Variants in RYR1 observed in about 807,000 individuals in gnomAD.
The protein encoded by RYR1 is central core disease of muscle.
RYR1 carries 342 observed loss-of-function variants against 583.5 expected under a neutral mutation model. The observed-to-expected ratio is 0.59, with a 90% confidence interval of 0.54 to 0.64. The LOEUF (loss-of-function observed/expected upper bound fraction) is 0.64. RYR1 is among the 30% of genes least tolerant of loss of function. The pLI is 0.00. For missense variants in RYR1, 6,032 were observed against 6,917.2 expected (o/e 0.87, Z 4.54); for synonymous variants, 2,791 against 2,822.5 (o/e 0.99, Z 0.35).
At chr19:38,476,187 T>A (rs1242244355) in intron 29 of RYR1, among the ~76,000 whole-genome samples, 1 of 151,992 alleles carries the variant, frequency 6.6e-6, no homozygotes, top group Non-Finnish European at 1.5e-5. Flanking sequence ...CATGCCCAGC[T>A]AATTTTTGTT....
intron 31 of RYR1, among the ~76,000 whole-genome samples, chr19:38,482,380 T>C (rs1218858925): frequency 2.0e-5 from 3 of 152,052 alleles, no homozygotes; most frequent in African/African-American, 7.2e-5. Flanking sequence ...ATGTTGTTTG[T>C]GGAGGCAGAG....
chr19:38,530,987 C>CTTTTTTTTTTTTTTTTTTTTTTTT (rs59244176), intron 76 of RYR1, among the ~76,000 whole-genome samples: 1 of 129,378 alleles, frequency 7.7e-6, no homozygotes, highest in Non-Finnish European at 1.6e-5. Context: ...TTTTCTTTCT[C>CTTTTTTTTTTTTTTTTTTTTTTTT]TTTTTTTTTT....
At chr19:38,509,328 T>C (rs1213687789) in intron 58 of RYR1, among the ~76,000 whole-genome samples, 1 of 151,652 alleles carries the variant, frequency 6.6e-6, no homozygotes, top group Non-Finnish European at 1.5e-5. Context: ...AAAATGGGGG[T>C]TGGGAACCAA....
chr19:38,535,168 C>G lies in RYR1; in HGVS notation c.11387C>G (p.Thr3796Ser). 6.2e-7 allele frequency: 1 copy of G among 1,614,082 alleles called. No homozygotes were observed. Among genetic ancestry groups the G allele is most frequent in the Non-Finnish European group, 8.5e-7 (1 of 1,180,032 alleles). The part of the protein sequence containing the change: ...KGETGAMVSS[T>S]LKLGISILNG... ...GAGACAGGTGCCATGGTGTCCTCCACCCTGAAGCTGGGCATCTCCATCCTC... is the reference window on the plus strand; with the variant it reads ...GAGACAGGTGCCATGGTGTCCTCCAGCCTGAAGCTGGGCATCTCCATCCTC... The change falls in exon 80 of 106, where the codon ACC becomes AGC. Residue 3796 changes from threonine to serine, a missense_variant. By Grantham distance (58) the Thr-to-Ser change is moderately conservative. Around this residue, in one of 11 missense-constraint regions of RYR1, gnomAD observed 1,493 missense variants for 1,715.5 expected, o/e 0.87. Coordinates refer to ENST00000359596, the MANE Select transcript of RYR1 (RefSeq NM_000540.3).
At chr19:38,542,443 A>C (rs1972239082) in intron 84 of RYR1, among the ~76,000 whole-genome samples, 1 of 152,144 alleles carries the variant, frequency 6.6e-6, no homozygotes, top group African/African-American at 2.4e-5. Flanking sequence ...TGTTGGAAAA[A>C]ACTGAATGAA....
In RYR1 at chr19:38,510,795, G is replaced by A. The variant is rs746851028; in HGVS notation, c.9122+14G>A. On this transcript the variant is annotated intron_variant, in intron 60 of 105. Coordinates refer to ENST00000359596, the MANE Select transcript of RYR1 (RefSeq NM_000540.3). ...AATGATCACCAGGTGGGCCGCCTGT[G>A]ACCCTGGACCCAGCCCCCTGACCTC... The A allele has an allele frequency of 1.9e-6, 3 of 1,614,014 alleles. No homozygotes were observed. Among genetic ancestry groups the A allele is most frequent in the South Asian group, 1.1e-5 (1 of 91,052 alleles).
At chr19:38,569,714 C>T (rs761805520) in intron 93 of RYR1, among the ~76,000 whole-genome samples, 29 of 152,174 alleles carry the variant, frequency 1.9e-4, no homozygotes, top group Non-Finnish European at 3.1e-4. Context: ...GGTTATGTTA[C>T]CTTGAGCAAG....
intron 20 of RYR1, among the ~76,000 whole-genome samples, chr19:38,461,784 G>T (rs1967767685): frequency 6.7e-6 from 1 of 149,942 alleles, no homozygotes; most frequent in East Asian, 2.0e-4. Flanking sequence ...GCTGGGTGTG[G>T]TGGCTCATGC....
At position 38,446,721 on chromosome 19, in the gene RYR1, G is replaced by T; in HGVS notation, c.753G>T (p.Val251=). 1 of 1,614,004 alleles carries T rather than the reference G, an allele frequency of 6.2e-7. No individual in the cohort carries two copies. Reference sequence around the variant, plus strand: ...TTGTCTACTATGAGGGGGGAGCTGTGTGCACTCATGCCCGCTCCCTCTGGA... The same window carrying T: ...TTGTCTACTATGAGGGGGGAGCTGTTTGCACTCATGCCCGCTCCCTCTGGA... ...RRLVYYEGGA[V]CTHARSLWRL... The change falls in exon 9 of 106, where the codon GTG becomes GTT. Residue 251 remains valine (V), a synonymous_variant. Coordinates refer to ENST00000359596, the MANE Select transcript of RYR1 (RefSeq NM_000540.3).
At chr19:38,514,995 A>G (rs754187809) in intron 63 of RYR1, 31 bp from the exon 64 acceptor site, 1 of 1,553,706 alleles carries the variant, frequency 6.4e-7, no homozygotes, top group Non-Finnish European at 8.9e-7. Context: ...TTGTGAGCGC[A>G]TGCCGCAGCC....
intron 12 of RYR1, among the ~76,000 whole-genome samples, chr19:38,452,452 A>G (rs1007986891): frequency 1.3e-5 from 2 of 152,018 alleles, no homozygotes; most frequent in Non-Finnish European, 2.9e-5. Context: ...AATAATATAC[A>G]CATGACCCCT....
At chr19:38,531,304 C>T (rs887373345) in intron 76 of RYR1, among the ~76,000 whole-genome samples, 4 of 151,932 alleles carry the variant, frequency 2.6e-5, no homozygotes, top group Non-Finnish European at 5.9e-5. Context: ...TGAGTCCCAG[C>T]GCAAGCTGTG....
chr19:38,573,858 G>A (rs1973838070), intron 96 of RYR1, among the ~76,000 whole-genome samples: 1 of 152,148 alleles, frequency 6.6e-6, no homozygotes, highest in African/African-American at 2.4e-5. Context: ...GGAGGTTCCT[G>A]TTCAGTGACT....
At position 38,548,490 on chromosome 19, in the gene RYR1, C is replaced by A. The variant is rs902375813; in HGVS notation, c.12282+70C>A. The A allele has an allele frequency of 2.0e-6, 3 of 1,482,992 alleles. No individual in the cohort carries two copies. The African/African-American group carries it at 4.2e-5, about 21-fold the overall frequency. The allele number at this position is 1,482,992 out of a possible 1,614,324, so 91.9% of individuals were successfully genotyped here. A position where few individuals can be genotyped will look rare whatever the true frequency, so the allele number is the denominator to read the frequency against. ...CCAAGGGCCAGCCATACCCTTCTGG[C>A]TGGCTGCCTCAGGCAAGAGACATCT... On this transcript the variant is annotated intron_variant, in intron 89 of 105. Coordinates refer to ENST00000359596, the MANE Select transcript of RYR1 (RefSeq NM_000540.3).
intron 33 of RYR1, among the ~76,000 whole-genome samples, chr19:38,484,442 T>C (rs562672221): frequency 2.9e-5 from 4 of 140,214 alleles, no homozygotes; most frequent in African/African-American, 7.9e-5. Context: ...CTCCCTCCCT[T>C]CCTTCCTTCC....
intron 76 of RYR1, 55 bp from the exon 77 acceptor site, chr19:38,532,435 T>C (rs1971778805): frequency 6.3e-6 from 10 of 1,586,766 alleles, no homozygotes; most frequent in Non-Finnish European, 8.7e-6. Flanking sequence ...GAAGCTCTTA[T>C]AAGATGGGGG....
At chr19:38,460,281 C>T (rs1967654968) in intron 19 of RYR1, 94 bp from the exon 20 acceptor site, 3 of 1,185,212 alleles carry the variant, frequency 2.5e-6, no homozygotes, top group East Asian at 2.3e-5. Flanking sequence ...CAGAACTTTC[C>T]ATTGATCCCA....
rs1406757383 is a variant in RYR1 at position 38,463,536 on chromosome 19, C to T, written c.2682+9C>T. 6.2e-7 allele frequency: 1 copy of T among 1,610,302 alleles called. No individual in the cohort carries two copies. The highest frequency in any genetic ancestry group is 1.3e-5 in the African/African-American group (1 of 75,030). On this transcript the variant is annotated intron_variant, in intron 21 of 105. Transcript: ENST00000359596. ...GCTGGACCTACGGCCCGGTGAGGGGCTGCCTGCAGCCTGCGGGAGGCCGGC... is the reference window on the plus strand; with the variant it reads ...GCTGGACCTACGGCCCGGTGAGGGGTTGCCTGCAGCCTGCGGGAGGCCGGC...
chr19:38,510,319 G>T (rs949463481), intron 58 of RYR1, among the ~76,000 whole-genome samples, 179 bp from the exon 59 acceptor site: 2 of 152,050 alleles, frequency 1.3e-5, no homozygotes, highest in African/African-American at 4.8e-5. Flanking sequence ...AAAAAAAGGA[G>T]TTGGGGGAAT....
Sources: gnomAD v4.1 joint callset for allele counts (sites outside exome capture counted in the v4.1 genomes callset) on GRCh38, gnomAD v4.1.1 for gene constraint, gnomAD v4.1.1 regional missense constraint, MANE v1.5 for transcripts, NCBI Gene and HGNC (gene_info 2026-07-23, HGNC 2026-07-21) for gene names.